The following CELSR1 variants were observed in gnomAD, a reference collection of about 807,000 sequenced individuals.
CELSR1 encodes the protein cadherin EGF LAG seven-pass G-type receptor 1.
CELSR1 carries 110 observed loss-of-function variants against 249.1 expected under a neutral mutation model. That is an observed-to-expected ratio of 0.44 (90% confidence interval 0.38 to 0.52). The LOEUF is 0.52. CELSR1 is among the 20% of genes least tolerant of loss of function. The probability of loss-of-function intolerance (pLI) is 0.00; values close to 1 mark genes in which losing one functional copy is unlikely to be tolerated. For missense variants in CELSR1, 4,109 were observed against 4,296.4 expected, an observed-to-expected ratio of 0.96 and a Z score of 1.22; for synonymous variants, 2,113 against 1,900.0, an observed-to-expected ratio of 1.11 and a Z score of -2.92.
intron 1 of CELSR1, among the ~76,000 whole-genome samples, chr22:46,474,148 A>G (rs1461071675): frequency 3.9e-5 from 6 of 152,156 alleles, no homozygotes; most frequent in African/African-American, 1.4e-4. Context: ...GTCCTGTGTT[A>G]ACCTTGCAGT....
chr22:46,369,373 C>T, intron 26 of CELSR1, 115 bp from the exon 27 acceptor site: 2 of 879,028 alleles, frequency 2.3e-6, no homozygotes, highest in Non-Finnish European at 3.6e-6. Flanking sequence ...GTGAGGAGGA[C>T]CCGAACCCTG....
chr22:46,428,077 C>A lies in CELSR1; in HGVS notation c.4611+5316G>T, dbSNP rs1015131754. Among the ~76,000 whole-genome samples the A allele has an allele frequency of 6.6e-6, 1 of 152,150 alleles. No individual in the cohort carries two copies. Among genetic ancestry groups the A allele is most frequent in the Admixed American group, 6.5e-5 (1 of 15,278 alleles). On this transcript the variant is annotated intron_variant, in intron 5 of 34. Transcript: ENST00000674500. This position sits in a 1 kb window ranked among gnomAD's most constrained non-coding sequence, Gnocchi z 5.7. Reference sequence around the variant, plus strand: ...AATCCCTAATGACAGCAGGACCTAGCGGTCATCTCAAGGTCATGGAAATCT... The same window carrying A: ...AATCCCTAATGACAGCAGGACCTAGAGGTCATCTCAAGGTCATGGAAATCT...
intron 25 of CELSR1, chr22:46,370,191 C>T (rs1299963245): frequency 2.2e-6 from 1 of 460,140 alleles, no homozygotes; most frequent in Non-Finnish European, 4.3e-6. Flanking sequence ...ATGATGGACC[C>T]AAGGTGCAAG....
chr22:46,457,696 C>A (rs568468477), intron 2 of CELSR1, among the ~76,000 whole-genome samples: 1 of 152,370 alleles, frequency 6.6e-6, no homozygotes, highest in East Asian at 1.9e-4. Context: ...CCCACACTCC[C>A]GCTCACAGCT....
chr22:46,433,363 G>A lies in CELSR1; in HGVS notation c.4611+30C>T. 1 of 1,587,976 alleles carries A rather than the reference G, an allele frequency of 6.3e-7. No homozygotes were observed. The highest frequency in any genetic ancestry group is 8.6e-7 in the Non-Finnish European group (1 of 1,158,696). On this transcript the variant is annotated intron_variant, in intron 5 of 34. Transcript: ENST00000674500. This position sits in a 1 kb window ranked among gnomAD's most constrained non-coding sequence, Gnocchi z 5.7. ...GGGCACCTTCTCGAGCCGCCCTGGG[G>A]CCAGGGGGAAGTGGTGGGGCCCATC...
At chr22:46,394,031 G>C (rs2079122420) in intron 14 of CELSR1, 111 bp downstream of exon 14, 3 of 1,384,690 alleles carry the variant, frequency 2.2e-6, no homozygotes, top group Admixed American at 3.9e-5. Flanking sequence ...GTGTGTGCAG[G>C]GGTGTGAGTG....
At position 46,374,454 on chromosome 22, in the gene CELSR1, G is replaced by A. The variant is rs1439456381; in HGVS notation, c.7585-1397C>T. Among the ~76,000 whole-genome samples the A allele has an allele frequency of 6.6e-6, 1 of 152,166 alleles. No homozygotes were observed. Among genetic ancestry groups the A allele is most frequent in the Non-Finnish European group, 1.5e-5 (1 of 68,032 alleles). Reference sequence around the variant, plus strand: ...TCATTTCAGCCTGCCAGCGCTCTGAGAGATGAAAAACCTCGCCCAGAGATA... The same window carrying A: ...TCATTTCAGCCTGCCAGCGCTCTGAAAGATGAAAAACCTCGCCCAGAGATA... On this transcript the variant is annotated intron_variant, in intron 24 of 34. Transcript: ENST00000674500. The surrounding 1 kb of genome is among the most constrained non-coding windows in gnomAD (Gnocchi z 4.3).
Position 46,363,716 on chromosome 22 carries a change from G to A in CELSR1, c.9035+280C>T. 1 of 506,374 alleles carries A rather than the reference G, an allele frequency of 2.0e-6. No homozygotes were observed. The highest frequency in any genetic ancestry group is 5.1e-4 in the Middle Eastern group (1 of 1,964). The allele number at this position is 506,374 out of a possible 1,614,324, so 31.4% of individuals were successfully genotyped here. A position where few individuals can be genotyped will look rare whatever the true frequency, so the allele number is the denominator to read the frequency against. ...GGAGACAATGCTGATCAAACGCAGA[G>A]CCCAGCACCTTAGGTCCTAGCATTT... On this transcript the variant is annotated intron_variant, in intron 34 of 34. Coordinates refer to ENST00000674500, the MANE Select transcript of CELSR1 (RefSeq NM_001378328.1). This position sits in a 1 kb window ranked among gnomAD's most constrained non-coding sequence, Gnocchi z 4.3.
At chr22:46,439,584 G>A (rs1181860657) in intron 2 of CELSR1, among the ~76,000 whole-genome samples, 173 bp from the exon 3 acceptor site, 1 of 152,176 alleles carries the variant, frequency 6.6e-6, no homozygotes, top group Non-Finnish European at 1.5e-5. Flanking sequence ...GAGTTCTCAA[G>A]GACTTGCCCA....
At position 46,536,298 on chromosome 22, in the gene CELSR1, G is replaced by A; in HGVS notation, c.873C>T (p.Arg291=). 6.2e-7 allele frequency: 1 copy of A among 1,612,660 alleles called. No individual in the cohort carries two copies. The highest frequency in any genetic ancestry group is 1.1e-5 in the South Asian group (1 of 91,082). The change falls in exon 1 of 35, where the codon CGC becomes CGT. Residue 291 remains arginine, a synonymous_variant. Transcript: ENST00000674500. The part of the protein sequence containing the change: ...SYYMEGLFDE[R]SRGYFRIDSA... ...AGTCGATTCGGAAGTAGCCCCGGGA[G>A]CGCTCGTCGAACAGCCCCTCCATGT...
At chr22:46,531,903 C>T (rs899206769) in intron 1 of CELSR1, among the ~76,000 whole-genome samples, 1 of 152,146 alleles carries the variant, frequency 6.6e-6, no homozygotes, top group African/African-American at 2.4e-5. Flanking sequence ...CTGATTTACA[C>T]GAGAGTACGA....
At chr22:46,469,565 G>C (rs994005749) in intron 1 of CELSR1, among the ~76,000 whole-genome samples, 1 of 152,208 alleles carries the variant, frequency 6.6e-6, no homozygotes, top group South Asian at 2.1e-4. Context: ...GCCCAGGCTG[G>C]AATGCAATGA....
Position 46,395,898 on chromosome 22 carries a change from G to C in CELSR1, c.5843+707C>G, listed in dbSNP as rs1289225295. Among the ~76,000 whole-genome samples, 2 of 152,220 alleles carry C rather than the reference G, an allele frequency of 1.3e-5. No individual in the cohort carries two copies. The highest frequency in any genetic ancestry group is 2.9e-5 in the Non-Finnish European group (2 of 68,044). On this transcript the variant is annotated intron_variant, in intron 13 of 34. Coordinates refer to ENST00000674500, the MANE Select transcript of CELSR1 (RefSeq NM_001378328.1). This position sits in a 1 kb window ranked among gnomAD's most constrained non-coding sequence, Gnocchi z 5.5. ...GAGCCCAGAGCCCAGAGAGCACGCT[G>C]CTGCCTGTCCTAACCACACTAGGAT...
rs755468810 is a variant in CELSR1 at position 46,454,978 on chromosome 22, T to C, written c.4183+8729A>G. Among the ~76,000 whole-genome samples the C allele has an allele frequency of 5.9e-5, 9 of 152,294 alleles. No homozygotes were observed. Among genetic ancestry groups the C allele is most frequent in the South Asian group, 4.1e-4 (2 of 4,826 alleles). On this transcript the variant is annotated intron_variant, in intron 2 of 34. Transcript: ENST00000674500. This position sits in a 1 kb window ranked among gnomAD's most constrained non-coding sequence, Gnocchi z 5.1. ...CTTAGGATGAGATCATTAGGGTGGG[T>C]CCTAATCCAGTGACCGGTGTCCTTA...
At position 46,536,174 on chromosome 22, in the gene CELSR1, G is replaced by A. The variant is rs771567986; in HGVS notation, c.997C>T (p.Arg333Cys). The A allele has an allele frequency of 1.9e-6, 3 of 1,612,730 alleles. No individual in the cohort carries two copies. Residue 333 changes from arginine (R) to cysteine (C), a missense_variant, in exon 1 of 35, where the codon CGC becomes TGC. Around this residue, in one of 7 missense-constraint regions of CELSR1, gnomAD observed 673 missense variants for 636.8 expected, o/e 1.06. Coordinates refer to ENST00000674500, the MANE Select transcript of CELSR1 (RefSeq NM_001378328.1). The part of the protein sequence containing the change: ...VKAVDYSTPP[R>C]SATTYITVLV... The stretch of plus-strand genomic sequence containing the variant: ...ACAGTGATGTAGGTGGTGGCCGAGC[G>A]CGGCGGCGTACTGTAGTCCACGGCT...
chr22:46,467,287 A>G (rs921954821), intron 1 of CELSR1, among the ~76,000 whole-genome samples: 2 of 152,198 alleles, frequency 1.3e-5, no homozygotes, highest in African/African-American at 4.8e-5. Context: ...AGCTTGAGCA[A>G]TCATCCTTCT....
chr22:46,459,429 G>A (rs188917873), intron 2 of CELSR1, among the ~76,000 whole-genome samples: 1 of 152,330 alleles, frequency 6.6e-6, no homozygotes, highest in African/African-American at 2.4e-5. Flanking sequence ...CAGCACAGAA[G>A]GCGCCTTTCA....
chr22:46,366,576 C>G, intron 29 of CELSR1, 96 bp from the exon 30 acceptor site: 1 of 1,006,010 alleles, frequency 9.9e-7, no homozygotes, highest in Non-Finnish European at 1.5e-6. Flanking sequence ...CCCCCACACC[C>G]ACACCCTGGC....
At position 46,454,348 on chromosome 22, in the gene CELSR1, C is replaced by T. The variant is rs950355977; in HGVS notation, c.4183+9359G>A. 3.9e-5 allele frequency among the ~76,000 whole-genome samples: 6 copies of T among 152,300 alleles called. No individual in the cohort carries two copies. Among genetic ancestry groups the T allele is most frequent in the African/African-American group, 9.6e-5 (4 of 41,564 alleles). ...AATGTTACAGCGGCCACAGGAGACT[C>T]GTGCAGGGGTGAGCGAGCGTGCCCA... On this transcript the variant is annotated intron_variant, in intron 2 of 34. Coordinates refer to ENST00000674500, the MANE Select transcript of CELSR1 (RefSeq NM_001378328.1). The surrounding 1 kb of genome is among the most constrained non-coding windows in gnomAD (Gnocchi z 5.1).
Sources: allele counts gnomAD v4.1 joint callset (sites outside exome capture counted in the v4.1 genomes callset), GRCh38; gene constraint gnomAD v4.1.1; regional missense constraint gnomAD v4.1.1; non-coding constraint Gnocchi (gnomAD v3.1); transcripts MANE v1.5; gene names NCBI Gene and HGNC (gene_info 2026-07-23, HGNC 2026-07-21).